The following ELAVL4 variants were observed in gnomAD, a reference collection of about 807,000 sequenced individuals.
ELAVL4 encodes the protein ELAV-like protein 4.
In ELAVL4, 1 loss-of-function variant was observed where a neutral mutation model predicts 35.6. The ratio of observed to expected loss-of-function variants is 0.03; its 90% CI spans 0.01 to 0.13. The LOEUF (loss-of-function observed/expected upper bound fraction) is 0.13. ELAVL4 is among the 10% of genes least tolerant of loss of function. ELAVL4 has a pLI of 1.00. For synonymous variants in ELAVL4, 156 were observed against 171.0 expected (o/e 0.91, Z 0.69); for missense variants, 267 against 464.9 (o/e 0.57, Z 3.91).
At chr1:50,099,548 G>A (rs1424244240), upstream of ELAVL4, among the ~76,000 whole-genome samples, 42 of 104,512 alleles carry the variant, frequency 4.0e-4, no homozygotes, top group African/African-American at 1.5e-3. Flanking sequence ...GTGACAGAGC[G>A]AAACTCCGCC....
At chr1:50,070,774 G>T (rs899593782) in intron 1 of ELAVL4, among the ~76,000 whole-genome samples, 3 of 149,588 alleles carry the variant, frequency 2.0e-5, no homozygotes, top group African/African-American at 7.4e-5. Flanking sequence ...ACTACTAAAC[G>T]GTGACGTTTC....
chr1:50,132,154 C>T (rs999478022), intron 1 of ELAVL4, among the ~76,000 whole-genome samples: 3 of 151,952 alleles, frequency 2.0e-5, no homozygotes, highest in South Asian at 2.1e-4. Flanking sequence ...TTAATCGATA[C>T]GTATTAGAAG....
At chr1:50,090,799 T>C (rs1665457743) in intron 1 of ELAVL4, among the ~76,000 whole-genome samples, 1 of 152,300 alleles carries the variant, frequency 6.6e-6, no homozygotes, top group African/African-American at 2.4e-5. Flanking sequence ...CACATTCCAA[T>C]GGCCGGAGCT....
At chr1:50,192,880 A>G (rs1682876656) in intron 3 of ELAVL4, among the ~76,000 whole-genome samples, 1 of 152,242 alleles carries the variant, frequency 6.6e-6, no homozygotes, top group African/African-American at 2.4e-5. Flanking sequence ...GTGTACTGCT[A>G]CAGATTTGGC....
In ELAVL4 at chr1:50,109,032, C is replaced by CAAAAAAAAAAA; in HGVS notation, c.-153_-152insAAAAAAAAAAA. 1.0e-6 allele frequency: 1 copy of CAAAAAAAAAAA among 978,416 alleles called. No homozygotes were observed. The highest frequency in any genetic ancestry group is 1.2e-6 in the Non-Finnish European group (1 of 824,076). The allele number at this position is 978,416 out of a possible 1,614,324, so 60.6% of individuals were successfully genotyped here. On this transcript the variant is annotated 5_prime_UTR_variant, in exon 1 of 7. Transcript: ENST00000371824. ...TCTTTCTCTCCCCCGCCCACCCCCC[C>CAAAAAAAAAAA]AAAAATAATTGATTTGCTTTACAAT... is the stretch of plus-strand genomic sequence containing the variant.
chr1:50,114,471 A>C (rs1241315226), intron 1 of ELAVL4, among the ~76,000 whole-genome samples: 1 of 152,064 alleles, frequency 6.6e-6, no homozygotes, highest in African/African-American at 2.4e-5. Flanking sequence ...AAAAAAAAGA[A>C]AAGGTGATCT....
chr1:50,118,323 G>T (rs1286629218), intron 1 of ELAVL4, among the ~76,000 whole-genome samples: 1 of 152,010 alleles, frequency 6.6e-6, no homozygotes, highest in Non-Finnish European at 1.5e-5. Flanking sequence ...GGCAAAAAGT[G>T]GCTTAATGAG....
At chr1:50,049,720 T>C (rs1663254340) in intron 1 of ELAVL4, among the ~76,000 whole-genome samples, 1 of 152,140 alleles carries the variant, frequency 6.6e-6, no homozygotes, top group South Asian at 2.1e-4. Context: ...ACTAACAAAA[T>C]CCTTGGGGCC....
At chr1:50,106,761 G>C (rs1413917895), upstream of ELAVL4, among the ~76,000 whole-genome samples, 18 of 152,144 alleles carry the variant, frequency 1.2e-4, no homozygotes, top group Non-Finnish European at 2.4e-4. Flanking sequence ...AGACTTTAAA[G>C]TGGAGGTTTG....
chr1:50,091,210 A>G (rs1665477607), intron 1 of ELAVL4, among the ~76,000 whole-genome samples: 1 of 152,090 alleles, frequency 6.6e-6, no homozygotes, highest in East Asian at 1.9e-4. Flanking sequence ...CGTATTGGAG[A>G]TTTTTAGCAC....
chr1:50,086,476 TTATA>T (rs35215248), intron 1 of ELAVL4, among the ~76,000 whole-genome samples: 81 of 144,216 alleles, frequency 5.6e-4, no homozygotes, highest in Admixed American at 7.0e-4. Flanking sequence ...CATTCAGCTT[TTATA>T]TATATATATA....
intron 1 of ELAVL4, chr1:50,110,088 T>A (rs968804879): frequency 9.4e-6 from 12 of 1,272,810 alleles, no homozygotes; most frequent in Middle Eastern, 2.1e-4. Flanking sequence ...GTGCTGATCG[T>A]TTGTGTGTGT....
chr1:50,072,320 A>G (rs899411919), intron 1 of ELAVL4, among the ~76,000 whole-genome samples: 6 of 152,188 alleles, frequency 3.9e-5, no homozygotes, highest in Admixed American at 6.5e-5. Context: ...CACTGTGGCC[A>G]AAAACTAGGA....
chr1:50,162,941 A>T (rs370179432), intron 2 of ELAVL4, among the ~76,000 whole-genome samples: 1 of 152,170 alleles, frequency 6.6e-6, no homozygotes, highest in African/African-American at 2.4e-5. Flanking sequence ...AAAATTACAG[A>T]TGCTTAAATG....
At chr1:50,190,393 A>C (rs1019888017) in intron 3 of ELAVL4, among the ~76,000 whole-genome samples, 2 of 152,196 alleles carry the variant, frequency 1.3e-5, no homozygotes, top group Non-Finnish European at 2.9e-5. Context: ...GAAAGTTGAA[A>C]ATTTTAGGTA....
chr1:50,159,056 A>C (rs1417507258), intron 2 of ELAVL4, among the ~76,000 whole-genome samples: 2 of 151,574 alleles, frequency 1.3e-5, no homozygotes, highest in East Asian at 3.9e-4. Context: ...AAAAAAAAAA[A>C]AGAAAGAAAT....
chr1:50,084,324 G>A (rs1665139771), intron 1 of ELAVL4, among the ~76,000 whole-genome samples: 1 of 152,236 alleles, frequency 6.6e-6, no homozygotes, highest in African/African-American at 2.4e-5. Context: ...TGGTAACTAA[G>A]CTTAGAAAGG....
At chr1:50,048,342 C>T (rs1663178282) in intron 1 of ELAVL4, among the ~76,000 whole-genome samples, 1 of 152,176 alleles carries the variant, frequency 6.6e-6, no homozygotes, top group African/African-American at 2.4e-5. Flanking sequence ...AGGATCCTGC[C>T]CCCGCGCTGC....
At chr1:50,101,502 T>A (rs1246156158), upstream of ELAVL4, among the ~76,000 whole-genome samples, 6 of 152,332 alleles carry the variant, frequency 3.9e-5, no homozygotes, top group South Asian at 8.3e-4. Context: ...GAATATTTTT[T>A]AAATTTTTTA....
Sources: allele counts gnomAD v4.1 joint callset (sites outside exome capture counted in the v4.1 genomes callset), GRCh38; gene constraint gnomAD v4.1.1; transcripts MANE v1.5; gene names NCBI Gene and HGNC (gene_info 2026-07-23, HGNC 2026-07-21).